Variants in MAF observed in about 807,000 individuals in gnomAD.
The protein encoded by MAF is transcription factor Maf.
MAF carries 10 observed loss-of-function variants against 22.0 expected under a neutral mutation model. The ratio of observed to expected loss-of-function variants is 0.45; its 90% confidence interval spans 0.28 to 0.77. MAF has a LOEUF of 0.77. MAF is among the 30% of genes least tolerant of loss of function. MAF has a pLI of 0.12. For missense variants in MAF, 544 were observed against 548.4 expected, an observed-to-expected ratio of 0.99 and a Z score of 0.08; for synonymous variants, 337 against 255.8, an observed-to-expected ratio of 1.32 and a Z score of -3.03.
At chr16:79,422,305 T>C in the MAF span, among the ~76,000 whole-genome samples, 1 of 152,210 alleles carries the variant, frequency 6.6e-6, no homozygotes, top group Admixed American at 6.5e-5. Flanking sequence ...GACGTCAAAG[T>C]GAAGGGGCTT....
chr16:79,481,662 A>G, the MAF span, among the ~76,000 whole-genome samples: 1 of 151,792 alleles, frequency 6.6e-6, no homozygotes, highest in Admixed American at 6.6e-5. Flanking sequence ...TCATCCACCT[A>G]TGCATTCATC....
chr16:79,405,059 T>A, the MAF span, among the ~76,000 whole-genome samples: 1 of 152,162 alleles, frequency 6.6e-6, no homozygotes, highest in African/African-American at 2.4e-5. Context: ...GCTCCAGTGT[T>A]CCTTCTTCAG....
chr16:79,230,718 G>C, the MAF span, among the ~76,000 whole-genome samples: 10,985 of 152,036 alleles, frequency 0.072, 594 homozygotes, highest in Middle Eastern at 0.15. Flanking sequence ...TTCCATTTTC[G>C]CATGATGGAG....
chr16:79,497,386 C>G, the MAF span, among the ~76,000 whole-genome samples: 1 of 152,192 alleles, frequency 6.6e-6, no homozygotes, highest in Non-Finnish European at 1.5e-5. Flanking sequence ...CCCACTCCAC[C>G]CGCCTGCTTC....
the MAF span, among the ~76,000 whole-genome samples, chr16:79,578,102 T>A: frequency 6.6e-6 from 1 of 152,374 alleles, no homozygotes; most frequent in South Asian, 2.1e-4. Context: ...TTTAAAAATA[T>A]ATATTTCAAT....
At chr16:79,387,634 G>C in the MAF span, among the ~76,000 whole-genome samples, 2 of 152,272 alleles carry the variant, frequency 1.3e-5, no homozygotes, top group African/African-American at 4.8e-5. Flanking sequence ...GGTACTTATT[G>C]ATGAACTGTA....
At chr16:79,401,979 A>G in the MAF span, among the ~76,000 whole-genome samples, 2 of 152,228 alleles carry the variant, frequency 1.3e-5, no homozygotes, top group Admixed American at 1.3e-4. Flanking sequence ...CCCATTTTAT[A>G]GATGAGGACC....
chr16:79,537,101 C>G, the MAF span, among the ~76,000 whole-genome samples: 2 of 152,128 alleles, frequency 1.3e-5, no homozygotes, highest in African/African-American at 2.4e-5. Flanking sequence ...TCTGTGAGAT[C>G]CTGGGAAGAC....
chr16:79,216,473 T>A, the MAF span, among the ~76,000 whole-genome samples: 2 of 152,192 alleles, frequency 1.3e-5, no homozygotes, highest in Non-Finnish European at 2.9e-5. Flanking sequence ...GTGCTTAGAG[T>A]ACCCATATGA....
chr16:79,258,871 G>C, the MAF span, among the ~76,000 whole-genome samples: 1 of 152,140 alleles, frequency 6.6e-6, no homozygotes, highest in African/African-American at 2.4e-5. Flanking sequence ...CTAGATGTCA[G>C]ACTGCCCACT....
At chr16:79,387,088 G>T in the MAF span, among the ~76,000 whole-genome samples, 2 of 152,096 alleles carry the variant, frequency 1.3e-5, no homozygotes, top group Admixed American at 6.5e-5. Context: ...TTTTGGTTTT[G>T]TTATTATTAT....
chr16:79,307,184 A>C, the MAF span, among the ~76,000 whole-genome samples: 24,795 of 152,198 alleles, frequency 0.16, 3,317 homozygotes, highest in East Asian at 0.69. Flanking sequence ...GTTTGAGATG[A>C]ATCTGGTGAC....
At chr16:79,285,632 C>A in the MAF span, among the ~76,000 whole-genome samples, 115 of 152,208 alleles carry the variant, frequency 7.6e-4, no homozygotes, top group Middle Eastern at 3.4e-3. Context: ...ATTCTGGTGG[C>A]CTCCAGGGGT....
the MAF span, among the ~76,000 whole-genome samples, chr16:79,468,667 C>G: frequency 8.5e-5 from 13 of 152,134 alleles, no homozygotes; most frequent in African/African-American, 3.1e-4. Flanking sequence ...CAGAGTCTGC[C>G]AGGATGGTGC....
the MAF span, among the ~76,000 whole-genome samples, chr16:79,559,279 AG>A: frequency 1.3e-5 from 2 of 152,206 alleles, no homozygotes; most frequent in South Asian, 2.1e-4. Context: ...AGCAGACAGC[AG>A]TTTGGTTTAC....
the MAF span, among the ~76,000 whole-genome samples, chr16:79,232,063 A>G: frequency 6.6e-6 from 1 of 151,998 alleles, no homozygotes; most frequent in African/African-American, 2.4e-5. Context: ...GTGGAGCTCA[A>G]GTGGTAATGT....
the MAF span, among the ~76,000 whole-genome samples, chr16:79,391,442 G>C: frequency 6.6e-6 from 1 of 152,188 alleles, no homozygotes; most frequent in Non-Finnish European, 1.5e-5. Flanking sequence ...AGAAGTGCCT[G>C]CTTGCCATTT....
chr16:79,571,356 G>GAAAAA, the MAF span, among the ~76,000 whole-genome samples: 1 of 152,022 alleles, frequency 6.6e-6, no homozygotes, highest in East Asian at 1.9e-4. Context: ...CTCCTCTGCA[G>GAAAAA]AAACAAAACA....
chr16:79,208,531 T>C, the MAF span, among the ~76,000 whole-genome samples: 1 of 152,250 alleles, frequency 6.6e-6, no homozygotes, highest in Non-Finnish European at 1.5e-5. Flanking sequence ...TTAACATTAT[T>C]TCCTTTAGAT....
Sources: allele counts gnomAD v4.1 joint callset (sites outside exome capture counted in the v4.1 genomes callset), GRCh38; gene constraint gnomAD v4.1.1; transcripts MANE v1.5; gene names NCBI Gene and HGNC (gene_info 2026-07-23, HGNC 2026-07-21).